POU5F2: variants seen among roughly 807,000 people sequenced by gnomAD.
The protein encoded by POU5F2 is POU domain class 5, transcription factor 2.
For missense variants in POU5F2, 401 were observed against 426.6 expected (o/e 0.94, Z 0.53); for synonymous variants, 191 against 178.7 (o/e 1.07, Z -0.55).
rs867992633 is a variant in POU5F2 at position 93,741,266 on chromosome 5, G to A, written c.298C>T (p.Leu100Phe). 1 of 1,613,896 alleles carries A rather than the reference G, an allele frequency of 6.2e-7. No homozygotes were observed. The highest frequency in any genetic ancestry group is 8.5e-7 in the Non-Finnish European group (1 of 1,179,858). Reference sequence around the variant, plus strand: ...CGCAGGGCAATGTAGGGCCCCGGGAGGGCGCCTTCGGAGGGGCGTCGCAAC... The same window carrying A: ...CGCAGGGCAATGTAGGGCCCCGGGAAGGCGCCTTCGGAGGGGCGTCGCAAC... Reference protein sequence around the residue: ...DWLRRPSEGALPGPYIALRSI... With the variant: ...DWLRRPSEGAFPGPYIALRSI... Residue 100 changes from leucine (L) to phenylalanine (F), a missense_variant, in exon 1 of 1, where the codon CTC becomes TTC. Transcript: ENST00000606183.
Position 93,735,979 on chromosome 5 carries a change from T to C in POU5F2, c.*4598A>G, listed in dbSNP as rs1208844016. 1 of 152,052 alleles carries C rather than the reference T, an allele frequency of 6.6e-6. No individual in the cohort carries two copies. The highest frequency in any genetic ancestry group is 1.5e-5 in the Non-Finnish European group (1 of 68,000). The allele number at this position is 152,052 out of a possible 1,614,324, so 9.4% of individuals were successfully genotyped here. On this transcript the variant is annotated 3_prime_UTR_variant, in exon 1 of 1. Coordinates refer to ENST00000606183, the MANE Select transcript of POU5F2 (RefSeq NM_153216.2). ...TAATATCTCCAAACATTCTCTTAAATGGAAGCATTAAGAGCAGACATTAAG... is the reference window on the plus strand; with the variant it reads ...TAATATCTCCAAACATTCTCTTAAACGGAAGCATTAAGAGCAGACATTAAG...
chr5:93,741,382 C>T, the POU5F2 span: 1 of 1,612,708 alleles, frequency 6.2e-7, no homozygotes, highest in Non-Finnish European at 8.5e-7. Flanking sequence ...GGGAATCCTC[C>T]ACACGTCAGG....
rs1580936415 is a variant in POU5F2, at chr5:93,733,327, A to G, written c.*7250T>C. ...GCCATTCTCCTGTCTCAGCCTCCTG[A>G]GTAGCTGGGACTACAGGCATGCATC... is the stretch of plus-strand genomic sequence containing the variant. On this transcript the variant is annotated 3_prime_UTR_variant, in exon 1 of 1. Transcript: ENST00000606183. The G allele has an allele frequency of 6.6e-6, 1 of 151,530 alleles. No homozygotes were observed. Among genetic ancestry groups the G allele is most frequent in the East Asian group, 1.9e-4 (1 of 5,140 alleles). 9.4% of individuals were successfully genotyped at this position (151,530 alleles called of 1,614,324 possible).
the POU5F2 span, chr5:93,740,999 TC>T: frequency 5.0e-6 from 8 of 1,613,786 alleles, no homozygotes; most frequent in Non-Finnish European, 5.9e-6. Flanking sequence ...TCCACTTCCT[TC>T]AGCCACTTTT....
chr5:93,738,776 CA>C lies in POU5F2; in HGVS notation c.*1800del, dbSNP rs1747764498. On this transcript the variant is annotated 3_prime_UTR_variant, in exon 1 of 1. Coordinates refer to ENST00000606183, the MANE Select transcript of POU5F2 (RefSeq NM_153216.2). ...ACTGGCAAATTCACAGAAAGGTTAC[CA>C]GGGGTAGGGGATAGGGGAATGGAGT... 1 of 152,036 alleles carries C rather than the reference CA, an allele frequency of 6.6e-6. No homozygotes were observed. Among genetic ancestry groups the C allele is most frequent in the African/African-American group, 2.4e-5 (1 of 41,356 alleles). The allele number at this position is 152,036 out of a possible 1,614,324, so 9.4% of individuals were successfully genotyped here. A position where few individuals can be genotyped will look rare whatever the true frequency, so the allele number is the denominator to read the frequency against.
rs528959575 is a variant in POU5F2, at chr5:93,735,121, A to C, written c.*5456T>G. On this transcript the variant is annotated 3_prime_UTR_variant, in exon 1 of 1. Transcript: ENST00000606183. Reference sequence around the variant, plus strand: ...TAACATTTAACATTGTTAACTACTTAACAATATAGTCTTGGTTTTCTCCCA... The same window carrying C: ...TAACATTTAACATTGTTAACTACTTCACAATATAGTCTTGGTTTTCTCCCA... 6.6e-6 allele frequency: 1 copy of C among 152,278 alleles called. No homozygotes were observed. Among genetic ancestry groups the C allele is most frequent in the African/African-American group, 2.4e-5 (1 of 41,548 alleles). The allele number at this position is 152,278 out of a possible 1,614,324, so 9.4% of individuals were successfully genotyped here.
chr5:93,739,345 A>AAGTAAAAATTAATTAACTAGGG lies in POU5F2; in HGVS notation c.*1210_*1231dup, dbSNP rs1480026173. 6.6e-6 allele frequency: 1 copy of AAGTAAAAATTAATTAACTAGGG among 152,178 alleles called. No homozygotes were observed. Among genetic ancestry groups the AAGTAAAAATTAATTAACTAGGG allele is most frequent in the African/African-American group, 2.4e-5 (1 of 41,458 alleles). The allele number at this position is 152,178 out of a possible 1,614,324, so 9.4% of individuals were successfully genotyped here. A position where few individuals can be genotyped will look rare whatever the true frequency, so the allele number is the denominator to read the frequency against. On this transcript the variant is annotated 3_prime_UTR_variant, in exon 1 of 1. Transcript: ENST00000606183. ...AACTAGGAAAAAATTAAGAAGAATG[A>AAGTAAAAATTAATTAACTAGGG]AGTAAAAATTAATTAACTAGGGAAT...
chr5:93,741,165 C>T lies in POU5F2; in HGVS notation c.399G>A (p.Leu133=), dbSNP rs1473217140. 1 of 1,613,794 alleles carries T rather than the reference C, an allele frequency of 6.2e-7. No homozygotes were observed. Among genetic ancestry groups the T allele is most frequent in the African/African-American group, 1.3e-5 (1 of 74,930 alleles). Residue 133 remains leucine, a synonymous_variant, in exon 1 of 1, where the codon TTG becomes TTA. Coordinates refer to ENST00000606183, the MANE Select transcript of POU5F2 (RefSeq NM_153216.2). ...LKELQQLAKE[L]RQKRLSLGYS... ...ACCCTAGGCTCAACCTCTTCTGCCT[C>T]AACTCCTTGGCCAATTGCTGCAACT...
rs1269091380 is a variant in POU5F2 at position 93,739,374 on chromosome 5, A to C, written c.*1203T>G. On this transcript the variant is annotated 3_prime_UTR_variant, in exon 1 of 1. Transcript: ENST00000606183. ...AAAAATTAATTAACTAGGGAATAAA[A>C]ATTGTAGTAAGTAGAATAAGTAAAA... 6.6e-6 allele frequency: 1 copy of C among 152,172 alleles called. No homozygotes were observed. Among genetic ancestry groups the C allele is most frequent in the African/African-American group, 2.4e-5 (1 of 41,456 alleles). The allele number at this position is 152,172 out of a possible 1,614,324, so 9.4% of individuals were successfully genotyped here.
rs543468590 is a variant in POU5F2, at chr5:93,740,905, C to T, written c.659G>A (p.Arg220Gln). The change falls in exon 1 of 1, where the codon CGA becomes CAA. Residue 220 changes from arginine to glutamine, a missense_variant. Coordinates refer to ENST00000606183, the MANE Select transcript of POU5F2 (RefSeq NM_153216.2). ...GAATTTCTCCAGGCTGTTTCCGATT[C>T]GTCGCTCTCTGCTTGCCCGTCTCCA... ...GKWRRASRER[R>Q]IGNSLEKFFQ... 34 of 1,613,974 alleles carry T rather than the reference C, an allele frequency of 2.1e-5. No individual in the cohort carries two copies. The South Asian group carries it at 3.0e-4, about 14-fold the overall frequency.
At position 93,738,890 on chromosome 5, in the gene POU5F2, T is replaced by C. The variant is rs972212163; in HGVS notation, c.*1687A>G. ...TGATGGTTGCCTAACATTGTGAATG[T>C]AATTAATGTCACTGAATTTACACTT... On this transcript the variant is annotated 3_prime_UTR_variant, in exon 1 of 1. Transcript: ENST00000606183. 1.3e-5 allele frequency: 2 copies of C among 152,244 alleles called. No homozygotes were observed. Among genetic ancestry groups the C allele is most frequent in the Non-Finnish European group, 2.9e-5 (2 of 68,046 alleles). 9.4% of individuals were successfully genotyped at this position (152,244 alleles called of 1,614,324 possible).
rs190709548 is a variant in POU5F2 at position 93,737,963 on chromosome 5, G to C, written c.*2614C>G. On this transcript the variant is annotated 3_prime_UTR_variant, in exon 1 of 1. Transcript: ENST00000606183. Reference sequence around the variant, plus strand: ...AGCCTAAGCAACAAAAGAAAAAATGGATAAGCTGGACTTAATAAAAATTAA... The same window carrying C: ...AGCCTAAGCAACAAAAGAAAAAATGCATAAGCTGGACTTAATAAAAATTAA... 6 of 442,608 alleles carry C rather than the reference G, an allele frequency of 1.4e-5. No individual in the cohort carries two copies. The highest frequency in any genetic ancestry group is 1.2e-4 in the African/African-American group (6 of 49,224). The allele number at this position is 442,608 out of a possible 1,614,324, so 27.4% of individuals were successfully genotyped here.
rs1310718265 is a variant in POU5F2, at chr5:93,733,791, G to T, written c.*6786C>A. 1 of 152,040 alleles carries T rather than the reference G, an allele frequency of 6.6e-6. No homozygotes were observed. Among genetic ancestry groups the T allele is most frequent in the East Asian group, 1.9e-4 (1 of 5,186 alleles). 9.4% of individuals were successfully genotyped at this position (152,040 alleles called of 1,614,324 possible). A position where few individuals can be genotyped will look rare whatever the true frequency, so the allele number is the denominator to read the frequency against. ...ACTTTGTCAAGGACATTTCCACTAG[G>T]TTTAATTGCAATGGTTTTGTAGTTT... On this transcript the variant is annotated 3_prime_UTR_variant, in exon 1 of 1. Transcript: ENST00000606183.
chr5:93,733,700 C>T lies in POU5F2; in HGVS notation c.*6877G>A, dbSNP rs562127327. 3.3e-5 allele frequency: 5 copies of T among 152,248 alleles called. No individual in the cohort carries two copies. In the East Asian group the frequency reaches 9.6e-4, roughly 29 times the overall value. The allele number at this position is 152,248 out of a possible 1,614,324, so 9.4% of individuals were successfully genotyped here. On this transcript the variant is annotated 3_prime_UTR_variant, in exon 1 of 1. Transcript: ENST00000606183. ...CGTCACACTGTTAAATAATTGGCCA[C>T]CTAAATCTTTACCTTCGAAATTTCC...
rs1748082361 is a variant in POU5F2 at position 93,740,140 on chromosome 5, TAC to T, written c.*435_*436del. ...TTATCCTGGATTTTGTGTTTGTGTT[TAC>T]ACAGAGTTCTGCTTGATTTTAAGTA... is the stretch of plus-strand genomic sequence containing the variant. On this transcript the variant is annotated 3_prime_UTR_variant, in exon 1 of 1. Coordinates refer to ENST00000606183, the MANE Select transcript of POU5F2 (RefSeq NM_153216.2). The T allele has an allele frequency of 6.5e-6, 1 of 155,036 alleles. No individual in the cohort carries two copies. The highest frequency in any genetic ancestry group is 2.0e-4 in the South Asian group (1 of 4,964). The allele number at this position is 155,036 out of a possible 1,614,324, so 9.6% of individuals were successfully genotyped here. A position where few individuals can be genotyped will look rare whatever the true frequency, so the allele number is the denominator to read the frequency against.
rs1747173612 is a variant in POU5F2 at position 93,736,213 on chromosome 5, G to A, written c.*4364C>T. The stretch of plus-strand genomic sequence containing the variant: ...TCTATATTCTTGAGTAAATAAACTG[G>A]GAACTCAAGCTAATCTTATACAAGT... On this transcript the variant is annotated 3_prime_UTR_variant, in exon 1 of 1. Transcript: ENST00000606183. 1 of 152,006 alleles carries A rather than the reference G, an allele frequency of 6.6e-6. No individual in the cohort carries two copies. The highest frequency in any genetic ancestry group is 1.5e-5 in the Non-Finnish European group (1 of 67,996). The allele number at this position is 152,006 out of a possible 1,614,324, so 9.4% of individuals were successfully genotyped here. A position where few individuals can be genotyped will look rare whatever the true frequency, so the allele number is the denominator to read the frequency against.
In POU5F2 at chr5:93,738,353, T is replaced by TA. The variant is rs1488494982; in HGVS notation, c.*2223dup. 1 of 152,536 alleles carries TA rather than the reference T, an allele frequency of 6.6e-6. No homozygotes were observed. The highest frequency in any genetic ancestry group is 2.4e-5 in the African/African-American group (1 of 41,454). 9.4% of individuals were successfully genotyped at this position (152,536 alleles called of 1,614,324 possible). ...CTCTTGTAGATTGCTGGTGGGAATG[T>TA]AAAATGGTGCCTTCACTATGGAAAA... is the stretch of plus-strand genomic sequence containing the variant. On this transcript the variant is annotated 3_prime_UTR_variant, in exon 1 of 1. Transcript: ENST00000606183.
rs536825484 is a variant in POU5F2 at position 93,736,763 on chromosome 5, C to T, written c.*3814G>A. 9.2e-5 allele frequency: 14 copies of T among 152,194 alleles called. No homozygotes were observed. The East Asian group carries it at 9.7e-4, about 10-fold the overall frequency. 9.4% of individuals were successfully genotyped at this position (152,194 alleles called of 1,614,324 possible). A position where few individuals can be genotyped will look rare whatever the true frequency, so the allele number is the denominator to read the frequency against. ...AGAAACTGTCAAAAACCCATACCCT[C>T]GCATATAAAACATTCAATAACCTAA... is the stretch of plus-strand genomic sequence containing the variant. On this transcript the variant is annotated 3_prime_UTR_variant, in exon 1 of 1. Coordinates refer to ENST00000606183, the MANE Select transcript of POU5F2 (RefSeq NM_153216.2).
Position 93,737,434 on chromosome 5 carries a change from C to G in POU5F2, c.*3143G>C, listed in dbSNP as rs534151698. On this transcript the variant is annotated 3_prime_UTR_variant, in exon 1 of 1. Coordinates refer to ENST00000606183, the MANE Select transcript of POU5F2 (RefSeq NM_153216.2). ...TTTGGGCAGAAATGGAAAAACTGAT[C>G]CTAAAATTCCTATGAAATTTCAAGT... is the stretch of plus-strand genomic sequence containing the variant. The G allele has an allele frequency of 6.6e-6, 1 of 152,060 alleles. No individual in the cohort carries two copies. Among genetic ancestry groups the G allele is most frequent in the South Asian group, 2.1e-4 (1 of 4,796 alleles). The allele number at this position is 152,060 out of a possible 1,614,324, so 9.4% of individuals were successfully genotyped here. A position where few individuals can be genotyped will look rare whatever the true frequency, so the allele number is the denominator to read the frequency against.
Sources: allele counts gnomAD v4.1 joint callset, GRCh38; gene constraint gnomAD v4.1.1; transcripts MANE v1.5; gene names NCBI Gene and HGNC (gene_info 2026-07-23, HGNC 2026-07-21).